Variants in MTUS2 observed in about 807,000 individuals in gnomAD.
The protein encoded by MTUS2 is microtubule associated scaffold protein 2, also known as microtubule-associated tumor suppressor candidate 2.
MTUS2 carries 40 observed loss-of-function variants against 114.1 expected under a neutral mutation model. The ratio of observed to expected loss-of-function variants is 0.35; its 90% confidence interval spans 0.27 to 0.46. MTUS2 has a LOEUF of 0.46. Among genes scored for constraint, MTUS2 ranks in the 20% least tolerant of loss-of-function variants. The probability of loss-of-function intolerance (pLI) is 1.00; values close to 1 mark genes in which losing one functional copy is unlikely to be tolerated. For synonymous variants in MTUS2, 688 were observed against 672.0 expected (o/e 1.02, Z -0.37); for missense variants, 1,679 against 1,705.4 (o/e 0.98, Z 0.27).
At chr13:29,448,061 A>G (rs1054532690) in intron 9 of MTUS2, among the ~76,000 whole-genome samples, 2 of 152,182 alleles carry the variant, frequency 1.3e-5, no homozygotes, top group African/African-American at 4.8e-5. Context: ...TACTGCCATC[A>G]GGTAGATGTT....
Position 29,094,742 on chromosome 13 carries a change from C to A in MTUS2, c.2447-6031C>A, listed in dbSNP as rs374375743. On this transcript the variant is annotated intron_variant, in intron 4 of 15. Coordinates refer to ENST00000612955, the MANE Select transcript of MTUS2 (RefSeq NM_001033602.4). The stretch of plus-strand genomic sequence containing the variant: ...TTTGGTTTAAGTTTAGTTTGCTCTT[C>A]TTTCTTCAGTGTTTTAAAGTCAAAA... Among the ~76,000 whole-genome samples the A allele has an allele frequency of 9.2e-5, 14 of 151,916 alleles. No homozygotes were observed. In the South Asian group the frequency reaches 1.2e-3, roughly 14 times the overall value.
At chr13:29,368,013 T>G (rs112091638) in intron 8 of MTUS2, among the ~76,000 whole-genome samples, 3 of 150,556 alleles carry the variant, frequency 2.0e-5, no homozygotes, top group Non-Finnish European at 4.4e-5. Flanking sequence ...ATCTCGGCTC[T>G]CTGCAAGCTC....
chr13:28,951,702 G>A (rs1315339347), intron 2 of MTUS2, among the ~76,000 whole-genome samples: 1 of 152,116 alleles, frequency 6.6e-6, no homozygotes, highest in Non-Finnish European at 1.5e-5. Flanking sequence ...GGGAGGCTGA[G>A]GCACGAGAAT....
At chr13:29,203,446 G>A (rs1004811939) in intron 5 of MTUS2, among the ~76,000 whole-genome samples, 4 of 152,036 alleles carry the variant, frequency 2.6e-5, no homozygotes, top group African/African-American at 9.7e-5. Flanking sequence ...AGCTTGCTGG[G>A]CTCCGTGGGG....
chr13:28,909,043 G>A (rs1237987200), intron 2 of MTUS2, among the ~76,000 whole-genome samples: 2 of 151,358 alleles, frequency 1.3e-5, no homozygotes, highest in South Asian at 2.1e-4. Flanking sequence ...TGTTCCATTG[G>A]TCTATATCTC....
intron 5 of MTUS2, among the ~76,000 whole-genome samples, chr13:29,121,342 T>G (rs1891297424): frequency 6.6e-6 from 1 of 152,116 alleles, no homozygotes; most frequent in African/African-American, 2.4e-5. Flanking sequence ...CAAACATGGA[T>G]GATGAAGATC....
At chr13:29,375,543 AT>A (rs1871561341) in intron 8 of MTUS2, among the ~76,000 whole-genome samples, 3 of 3,966 alleles carry the variant, frequency 7.6e-4, no homozygotes, top group Non-Finnish European at 2.8e-3. Context: ...ATATACGTGT[AT>A]ATATATATAT....
At chr13:29,009,940 G>A (rs1218267520) in intron 2 of MTUS2, among the ~76,000 whole-genome samples, 5 of 152,056 alleles carry the variant, frequency 3.3e-5, no homozygotes, top group South Asian at 4.1e-4. Flanking sequence ...GGCCAGGCAC[G>A]GTGGCTCACT....
intron 5 of MTUS2, among the ~76,000 whole-genome samples, chr13:29,123,771 T>G (rs745822466): frequency 6.6e-6 from 1 of 152,122 alleles, no homozygotes; most frequent in South Asian, 2.1e-4. Context: ...TTCTGAATGA[T>G]GTATTGAGAG....
At chr13:28,834,107 T>C (rs1156868319) in intron 1 of MTUS2, among the ~76,000 whole-genome samples, 1 of 152,108 alleles carries the variant, frequency 6.6e-6, no homozygotes, top group Non-Finnish European at 1.5e-5. Flanking sequence ...CCCATATTGA[T>C]CTGCAGATTT....
chr13:28,921,632 C>T (rs1263448527), intron 2 of MTUS2, among the ~76,000 whole-genome samples: 4 of 152,094 alleles, frequency 2.6e-5, no homozygotes, highest in African/African-American at 9.7e-5. Flanking sequence ...CCTAGACTGC[C>T]TTTCAAGTTC....
At chr13:29,301,867 T>C (rs1899217797) in intron 6 of MTUS2, among the ~76,000 whole-genome samples, 1 of 152,206 alleles carries the variant, frequency 6.6e-6, no homozygotes, top group African/African-American at 2.4e-5. Flanking sequence ...TGGGAAGATT[T>C]AATATCTGGT....
chr13:28,928,901 A>T (rs1036110470), intron 2 of MTUS2, among the ~76,000 whole-genome samples: 2 of 152,218 alleles, frequency 1.3e-5, no homozygotes. Context: ...CCCCACAGAT[A>T]TGTGTGCGTA....
At chr13:29,337,603 CT>C (rs1362454430) in intron 7 of MTUS2, among the ~76,000 whole-genome samples, 1 of 79,122 alleles carries the variant, frequency 1.3e-5, no homozygotes, top group Non-Finnish European at 2.8e-5. Flanking sequence ...TTTTATTTTT[CT>C]ATTTTTTTTT....
At chr13:29,385,625 C>T in intron 8 of MTUS2, among the ~76,000 whole-genome samples, 1 of 102,204 alleles carries the variant, frequency 9.8e-6, no homozygotes. Context: ...GTTGCTGCTG[C>T]TGCTGAGCCC....
chr13:28,892,162 G>A (rs944250677), intron 2 of MTUS2, among the ~76,000 whole-genome samples: 1 of 152,120 alleles, frequency 6.6e-6, no homozygotes. Context: ...ACTCCTTGAG[G>A]GATGGACTGT....
At chr13:29,062,731 C>T (rs553457626) in intron 4 of MTUS2, among the ~76,000 whole-genome samples, 37 of 152,130 alleles carry the variant, frequency 2.4e-4, no homozygotes, top group African/African-American at 8.2e-4. Context: ...ACTAGGTTTA[C>T]GGTGGTCTTA....
At chr13:29,373,237 C>G (rs1871330687) in intron 8 of MTUS2, among the ~76,000 whole-genome samples, 2 of 152,192 alleles carry the variant, frequency 1.3e-5, no homozygotes, top group South Asian at 2.1e-4. Flanking sequence ...GTGGTGGTAG[C>G]ACCAACCTGC....
Position 29,286,653 on chromosome 13 carries a change from T to C in MTUS2, c.2806+4788T>C, listed in dbSNP as rs71434715. On this transcript the variant is annotated intron_variant, in intron 6 of 15. Coordinates refer to ENST00000612955, the MANE Select transcript of MTUS2 (RefSeq NM_001033602.4). ...CTGAAAGCCATGCACTATCTATCTG[T>C]CTGTCTGTCTGTCTGTCTGTCTATC... 8.9e-5 allele frequency among the ~76,000 whole-genome samples: 13 copies of C among 146,314 alleles called. 1 individual carries two copies. The East Asian group carries it at 2.4e-3, about 27-fold the overall frequency.
Sources: gnomAD v4.1 joint callset for allele counts (sites outside exome capture counted in the v4.1 genomes callset) on GRCh38, gnomAD v4.1.1 for gene constraint, MANE v1.5 for transcripts, NCBI Gene and HGNC (gene_info 2026-07-23, HGNC 2026-07-21) for gene names.